The following LOC128125818 variants were observed in gnomAD, a reference collection of about 807,000 sequenced individuals.
chr4:6,065,381 AGC>A, the LOC128125818 span, among the ~76,000 whole-genome samples: 5 of 152,346 alleles, frequency 3.3e-5, no homozygotes, highest in Admixed American at 6.5e-5. The surrounding 1 kb of genome is among the most constrained non-coding windows in gnomAD (Gnocchi z 5.1). Context: ...CCCAGAAAGC[AGC>A]CCAGCACTCC....
the LOC128125818 span, among the ~76,000 whole-genome samples, chr4:6,068,561 T>TC: frequency 1.7e-4 from 25 of 149,716 alleles, no homozygotes; most frequent in South Asian, 5.4e-3. Context: ...TTTTTAACTT[T>TC]TTTTTTTTTT....
chr4:6,065,028 T>A, the LOC128125818 span: 1 of 1,613,880 alleles, frequency 6.2e-7, no homozygotes, highest in Non-Finnish European at 8.5e-7. The surrounding 1 kb of genome is among the most constrained non-coding windows in gnomAD (Gnocchi z 5.1). Flanking sequence ...GCAATTTGTA[T>A]GATGTTAGCA....
the LOC128125818 span, among the ~76,000 whole-genome samples, chr4:6,069,852 C>T: frequency 2.8e-4 from 43 of 152,048 alleles, no homozygotes; most frequent in Non-Finnish European, 4.6e-4. The surrounding 1 kb of genome is among the most constrained non-coding windows in gnomAD (Gnocchi z 4.5). Flanking sequence ...TCTTCCTCAG[C>T]GGGTCAGATG....
chr4:6,068,313 C>T, the LOC128125818 span, among the ~76,000 whole-genome samples: 3 of 152,146 alleles, frequency 2.0e-5, no homozygotes, highest in Non-Finnish European at 2.9e-5. Context: ...GTGGAGCCCC[C>T]GACAGTATCA....
the LOC128125818 span, among the ~76,000 whole-genome samples, chr4:6,067,411 T>C: frequency 6.6e-6 from 1 of 152,186 alleles, no homozygotes; most frequent in African/African-American, 2.4e-5. This position sits in a 1 kb window ranked among gnomAD's most constrained non-coding sequence, Gnocchi z 4.6. Flanking sequence ...AACTTCAATG[T>C]CATTTCTCTC....
chr4:6,066,764 GC>G, the LOC128125818 span, among the ~76,000 whole-genome samples: 11 of 152,010 alleles, frequency 7.2e-5, no homozygotes, highest in African/African-American at 2.7e-4. Flanking sequence ...CTTGGTCCCA[GC>G]CACCAATATC....
At chr4:6,068,749 A>G in the LOC128125818 span, among the ~76,000 whole-genome samples, 4 of 151,800 alleles carry the variant, frequency 2.6e-5, no homozygotes, top group Admixed American at 6.6e-5. Context: ...TATTTTTCTT[A>G]AGTAGTGACA....
the LOC128125818 span, among the ~76,000 whole-genome samples, chr4:6,069,047 A>G: frequency 3.5e-4 from 53 of 152,324 alleles, 1 homozygote; most frequent in East Asian, 7.5e-3. This position sits in a 1 kb window ranked among gnomAD's most constrained non-coding sequence, Gnocchi z 4.5. Context: ...AATAGAAACA[A>G]TATATTAATG....
the LOC128125818 span, chr4:6,070,032 G>A: frequency 1.8e-5 from 7 of 398,450 alleles, no homozygotes; most frequent in Middle Eastern, 6.2e-4. Context: ...ACCTCAAAAC[G>A]CAAAACCCCG....
chr4:6,066,701 C>T, the LOC128125818 span, among the ~76,000 whole-genome samples: 1 of 152,102 alleles, frequency 6.6e-6, no homozygotes, highest in Admixed American at 6.5e-5. Context: ...GTTGTCTTCA[C>T]CTTCAACTCA....
At chr4:6,069,001 C>T in the LOC128125818 span, among the ~76,000 whole-genome samples, 1 of 151,976 alleles carries the variant, frequency 6.6e-6, no homozygotes. This position sits in a 1 kb window ranked among gnomAD's most constrained non-coding sequence, Gnocchi z 4.5. Context: ...TACATGTACT[C>T]GATTTCTCAA....
chr4:6,066,900 C>T, the LOC128125818 span, among the ~76,000 whole-genome samples: 3 of 152,094 alleles, frequency 2.0e-5, no homozygotes, highest in South Asian at 6.2e-4. Context: ...CCGCTCCAGG[C>T]TTCTGCACCC....
At chr4:6,066,948 G>T in the LOC128125818 span, among the ~76,000 whole-genome samples, 1 of 152,136 alleles carries the variant, frequency 6.6e-6, no homozygotes, top group African/African-American at 2.4e-5. Flanking sequence ...GCTCCGAGAC[G>T]CTCTTCCCCA....
chr4:6,067,196 A>G, the LOC128125818 span, among the ~76,000 whole-genome samples: 133,336 of 152,176 alleles, frequency 0.88, 58,996 homozygotes, highest in East Asian at 1. The surrounding 1 kb of genome is among the most constrained non-coding windows in gnomAD (Gnocchi z 4.6). Context: ...CTCCATGAAG[A>G]CAGGGGGTTG....
At chr4:6,069,797 A>G in the LOC128125818 span, among the ~76,000 whole-genome samples, 2 of 151,974 alleles carry the variant, frequency 1.3e-5, no homozygotes, top group East Asian at 3.9e-4. The surrounding 1 kb of genome is among the most constrained non-coding windows in gnomAD (Gnocchi z 4.5). Flanking sequence ...ATGAATGAAG[A>G]GTAAACATGT....
At chr4:6,069,752 C>CAAAAA in the LOC128125818 span, among the ~76,000 whole-genome samples, 5 of 125,106 alleles carry the variant, frequency 4.0e-5, no homozygotes, top group South Asian at 1.3e-3. This position sits in a 1 kb window ranked among gnomAD's most constrained non-coding sequence, Gnocchi z 4.5. Context: ...GATCCTGTCT[C>CAAAAA]AAAAAAAAAA....
chr4:6,065,319 T>C, the LOC128125818 span, among the ~76,000 whole-genome samples: 57 of 152,150 alleles, frequency 3.7e-4, no homozygotes, highest in African/African-American at 1.3e-3. This position sits in a 1 kb window ranked among gnomAD's most constrained non-coding sequence, Gnocchi z 5.1. Context: ...AGCAAATGGA[T>C]TGAGAAGCCA....
At chr4:6,069,614 A>G in the LOC128125818 span, among the ~76,000 whole-genome samples, 1,639 of 152,230 alleles carry the variant, frequency 0.011, 29 homozygotes, top group African/African-American at 0.037. The surrounding 1 kb of genome is among the most constrained non-coding windows in gnomAD (Gnocchi z 4.5). Context: ...TTAGCCGAGT[A>G]TGGTGGCTGA....
the LOC128125818 span, chr4:6,065,070 C>T: frequency 6.2e-7 from 1 of 1,605,070 alleles, no homozygotes; most frequent in Non-Finnish European, 8.5e-7. This position sits in a 1 kb window ranked among gnomAD's most constrained non-coding sequence, Gnocchi z 5.1. Context: ...CTACCAGTCC[C>T]TGGTCGTGGG....
Sources: allele counts gnomAD v4.1 joint callset (sites outside exome capture counted in the v4.1 genomes callset), GRCh38; gene constraint gnomAD v4.1.1; non-coding constraint Gnocchi (gnomAD v3.1); transcripts MANE v1.5.